SSBP2: variants seen among roughly 807,000 people sequenced by gnomAD.
SSBP2 encodes single-stranded DNA-binding protein 2.
In SSBP2, 17 loss-of-function variants were observed where a neutral mutation model predicts 61.8. The observed-to-expected ratio is 0.28, with a 90% CI of 0.19 to 0.41. SSBP2 has a LOEUF of 0.41. SSBP2 is among the 10% of genes least tolerant of loss of function. The probability of loss-of-function intolerance (pLI) is 1.00; values close to 1 mark genes in which losing one functional copy is unlikely to be tolerated. For synonymous variants in SSBP2, 139 were observed against 141.3 expected, an observed-to-expected ratio of 0.98 and a Z score of 0.12; for missense variants, 310 against 458.7, an observed-to-expected ratio of 0.68 and a Z score of 2.96.
chr5:81,455,988 G>A (rs1266790433), intron 10 of SSBP2, among the ~76,000 whole-genome samples: 2 of 152,114 alleles, frequency 1.3e-5, no homozygotes, highest in Admixed American at 1.3e-4. Context: ...TTAGATAAGT[G>A]CCTTTCTTCA....
At chr5:81,668,958 C>A (rs1751378602) in intron 1 of SSBP2, among the ~76,000 whole-genome samples, 2 of 151,890 alleles carry the variant, frequency 1.3e-5, no homozygotes, top group Admixed American at 6.6e-5. Flanking sequence ...TACAGTTCTA[C>A]CTCTGGAATT....
intron 1 of SSBP2, among the ~76,000 whole-genome samples, chr5:81,733,886 T>C (rs1756427419): frequency 1.3e-5 from 2 of 152,184 alleles, no homozygotes; most frequent in African/African-American, 4.8e-5. Flanking sequence ...TCCATGCATT[T>C]AAAGATACAA....
At chr5:81,740,386 T>A (rs938281742) in intron 1 of SSBP2, among the ~76,000 whole-genome samples, 1 of 151,134 alleles carries the variant, frequency 6.6e-6, no homozygotes, top group Non-Finnish European at 1.5e-5. Flanking sequence ...TGATAATGTA[T>A]AATCATCAAA....
chr5:81,742,675 C>T (rs1031588537), intron 1 of SSBP2, among the ~76,000 whole-genome samples: 3 of 152,010 alleles, frequency 2.0e-5, no homozygotes, highest in East Asian at 1.9e-4. Context: ...CAGGAGTTCG[C>T]GCCCAGCCTG....
chr5:81,545,648 T>C (rs755289578), intron 4 of SSBP2, among the ~76,000 whole-genome samples: 26 of 152,150 alleles, frequency 1.7e-4, no homozygotes, highest in Non-Finnish European at 3.4e-4. Flanking sequence ...CTGGGATATA[T>C]ATACAATGAA....
At chr5:81,548,262 T>C (rs886389355) in intron 4 of SSBP2, among the ~76,000 whole-genome samples, 1 of 152,266 alleles carries the variant, frequency 6.6e-6, no homozygotes, top group Admixed American at 6.5e-5. Flanking sequence ...ATGTAAACTG[T>C]GGACTTTGGG....
At position 81,461,123 on chromosome 5, in the gene SSBP2, A is replaced by G. The variant is rs1001202183; in HGVS notation, c.639-20T>C. The G allele has an allele frequency of 6.4e-7, 1 of 1,563,626 alleles. No individual in the cohort carries two copies. The highest frequency in any genetic ancestry group is 1.4e-5 in the African/African-American group (1 of 73,074). On this transcript the variant is annotated intron_variant, in intron 9 of 16. Transcript: ENST00000320672. ...GGACCCCTACAAAACAATTTGATAA[A>G]TGAAATTTTAACCTATGCTTTGAAG...
chr5:81,468,877 G>T (rs1252103189), intron 8 of SSBP2, among the ~76,000 whole-genome samples: 1 of 151,982 alleles, frequency 6.6e-6, no homozygotes, highest in Non-Finnish European at 1.5e-5. Flanking sequence ...TGGTTAAAAG[G>T]ATAGCTATTT....
chr5:81,445,136 TTTTATATATATATATA>T (rs1300376013), intron 12 of SSBP2, among the ~76,000 whole-genome samples: 1 of 10,920 alleles, frequency 9.2e-5, no homozygotes, highest in South Asian at 2.7e-3. Flanking sequence ...AAAAAAAAAA[TTTTATATATATATATA>T]TATATATATA....
chr5:81,578,846 G>T (rs963024218), intron 4 of SSBP2, among the ~76,000 whole-genome samples: 2 of 151,526 alleles, frequency 1.3e-5, no homozygotes, highest in African/African-American at 4.8e-5. Flanking sequence ...TATTTTGTAC[G>T]ATGGGAAAAT....
At chr5:81,486,174 T>C (rs1024037541) in intron 6 of SSBP2, among the ~76,000 whole-genome samples, 1 of 152,178 alleles carries the variant, frequency 6.6e-6, no homozygotes, top group Non-Finnish European at 1.5e-5. Flanking sequence ...TTTATGATTC[T>C]TGAGGAAAGA....
chr5:81,548,245 T>C (rs1771895497), intron 4 of SSBP2, among the ~76,000 whole-genome samples: 1 of 152,118 alleles, frequency 6.6e-6, no homozygotes, highest in South Asian at 2.1e-4. Context: ...GGGTTGTATA[T>C]TCTCTAATGT....
chr5:81,568,967 T>G (rs1773644054), intron 4 of SSBP2, among the ~76,000 whole-genome samples: 1 of 152,152 alleles, frequency 6.6e-6, no homozygotes, highest in East Asian at 1.9e-4. Context: ...TTGGATTCCT[T>G]GAGTGGAGAC....
chr5:81,734,076 A>C (rs576427205), intron 1 of SSBP2, among the ~76,000 whole-genome samples: 2 of 152,324 alleles, frequency 1.3e-5, no homozygotes, highest in South Asian at 2.1e-4. Context: ...TTCTGATCAG[A>C]ATCAAGAGTC....
At chr5:81,603,692 A>C (rs2153565775) in intron 4 of SSBP2, among the ~76,000 whole-genome samples, 1 of 152,324 alleles carries the variant, frequency 6.6e-6, no homozygotes, top group Non-Finnish European at 1.5e-5. Context: ...AGAATGTACT[A>C]AAATCATTTA....
At chr5:81,579,983 T>C (rs550985541) in intron 4 of SSBP2, among the ~76,000 whole-genome samples, 8 of 152,270 alleles carry the variant, frequency 5.3e-5, no homozygotes, top group African/African-American at 1.9e-4. Context: ...TTGTACTTAA[T>C]TTGTTAAGGA....
chr5:81,675,596 T>C (rs1289713331), intron 1 of SSBP2, among the ~76,000 whole-genome samples: 3 of 152,192 alleles, frequency 2.0e-5, no homozygotes, highest in Non-Finnish European at 4.4e-5. Flanking sequence ...TAAATTGTAA[T>C]CCTGTTACTT....
chr5:81,687,114 G>A (rs1340530067), intron 1 of SSBP2, among the ~76,000 whole-genome samples: 1 of 152,216 alleles, frequency 6.6e-6, no homozygotes, highest in Non-Finnish European at 1.5e-5. Flanking sequence ...AGAAAAGACA[G>A]TTTTGAATTA....
chr5:81,669,925 C>A (rs982092226), intron 1 of SSBP2, among the ~76,000 whole-genome samples: 1 of 152,032 alleles, frequency 6.6e-6, no homozygotes, highest in Admixed American at 6.6e-5. Flanking sequence ...AGGCTACATA[C>A]TGTATGATTC....
Sources: allele counts gnomAD v4.1 joint callset (sites outside exome capture counted in the v4.1 genomes callset), GRCh38; gene constraint gnomAD v4.1.1; transcripts MANE v1.5; gene names NCBI Gene and HGNC (gene_info 2026-07-23, HGNC 2026-07-21).